TIAM2: variants seen among roughly 807,000 people sequenced by gnomAD.
The protein encoded by TIAM2 is rho guanine nucleotide exchange factor TIAM2.
Under a neutral mutation model 152.9 loss-of-function variants are expected in TIAM2, and 80 were observed. That is an observed-to-expected ratio of 0.52 (90% CI 0.44 to 0.63). TIAM2 has a LOEUF of 0.63. TIAM2 is among the 30% of genes least tolerant of loss of function. TIAM2 has a pLI of 0.00. For missense variants in TIAM2, 1,965 were observed against 2,120.1 expected, an observed-to-expected ratio of 0.93 and a Z score of 1.44; for synonymous variants, 804 against 838.0, an observed-to-expected ratio of 0.96 and a Z score of 0.70.
intron 4 of TIAM2, among the ~76,000 whole-genome samples, chr6:155,131,436 C>T (rs117819437): frequency 0.02 from 3,090 of 151,642 alleles, 56 homozygotes; most frequent in Non-Finnish European, 0.036. Flanking sequence ...TTCTTACAGT[C>T]CAAATAAAAC....
In TIAM2 at chr6:155,211,294, A is replaced by C; in HGVS notation, c.3155A>C (p.Glu1052Ala). 6.2e-7 allele frequency: 1 copy of C among 1,613,312 alleles called. No homozygotes were observed. Among genetic ancestry groups the C allele is most frequent in the Non-Finnish European group, 8.5e-7 (1 of 1,179,354 alleles). Reference sequence around the variant, plus strand: ...CAGGTTTCCCACAGGGAGAAAATGGAGCAGACATTCAGGGTAAGATACTGG... The same window carrying C: ...CAGGTTTCCCACAGGGAGAAAATGGCGCAGACATTCAGGGTAAGATACTGG... ...LDQVSHREKMEQTFRSAEQIT... is the reference protein window; with the variant it reads ...LDQVSHREKMAQTFRSAEQIT... Residue 1052 changes from glutamate (E) to alanine (A), a missense_variant, in exon 15 of 27, where the codon GAG (glutamate) becomes GCG (alanine). Transcript: ENST00000682666.
intron 9 of TIAM2, among the ~76,000 whole-genome samples, chr6:155,167,808 T>C (rs894165225): frequency 2.0e-5 from 3 of 152,230 alleles, no homozygotes; most frequent in African/African-American, 7.2e-5. Context: ...TTATGTTTTG[T>C]GAACTGAACT....
At chr6:155,153,893 A>T (rs932622984) in intron 7 of TIAM2, among the ~76,000 whole-genome samples, 51 of 152,190 alleles carry the variant, frequency 3.4e-4, no homozygotes, top group African/African-American at 1.1e-3. Context: ...AACTGGTGGG[A>T]TTACAGGCGT....
intron 10 of TIAM2, 86 bp from the exon 11 acceptor site, chr6:155,178,953 C>G: frequency 1.8e-6 from 2 of 1,081,720 alleles, no homozygotes; most frequent in Non-Finnish European, 2.7e-6. Context: ...TTAGAGATTT[C>G]TACTTTGATT....
At chr6:155,028,694 T>C (rs1325428993) in intron 1 of TIAM2, among the ~76,000 whole-genome samples, 1 of 128,940 alleles carries the variant, frequency 7.8e-6, no homozygotes, top group African/African-American at 3.1e-5. Flanking sequence ...ACATATAATA[T>C]ATATACTGTG....
rs937608265 is a variant in TIAM2, at chr6:155,214,591, G to A, written c.3168+3284G>A. Among the ~76,000 whole-genome samples the A allele has an allele frequency of 1.3e-5, 2 of 152,074 alleles. No homozygotes were observed. The highest frequency in any genetic ancestry group is 1.3e-4 in the Admixed American group (2 of 15,262). ...GCAAAGCAAATGCTCAGCTGCCTTC[G>A]CTGGCCTGGTTATGTCCCAGGATGC... is the stretch of plus-strand genomic sequence containing the variant. On this transcript the variant is annotated intron_variant, in intron 15 of 26. Coordinates refer to ENST00000682666, the MANE Select transcript of TIAM2 (RefSeq NM_012454.4). This position sits in a 1 kb window ranked among gnomAD's most constrained non-coding sequence, Gnocchi z 5.4.
At chr6:155,207,805 A>ACGAAT (rs1781629737) in intron 14 of TIAM2, among the ~76,000 whole-genome samples, 1 of 152,188 alleles carries the variant, frequency 6.6e-6, no homozygotes, top group African/African-American at 2.4e-5. Context: ...CTTACCTGAA[A>ACGAAT]CGAATCTCTT....
intron 9 of TIAM2, among the ~76,000 whole-genome samples, chr6:155,166,540 T>C (rs1424888473): frequency 6.6e-6 from 1 of 152,068 alleles, no homozygotes; most frequent in African/African-American, 2.4e-5. Flanking sequence ...CCAGGCTGGT[T>C]GTGAACTCCT....
At chr6:155,248,406 A>T (rs956123449) in intron 20 of TIAM2, among the ~76,000 whole-genome samples, 1 of 152,194 alleles carries the variant, frequency 6.6e-6, no homozygotes, top group African/African-American at 2.4e-5. Context: ...AAATGATCTC[A>T]TCCGGGTAGC....
chr6:155,175,246 A>G (rs1780731815), intron 9 of TIAM2, among the ~76,000 whole-genome samples: 1 of 152,214 alleles, frequency 6.6e-6, no homozygotes, highest in Non-Finnish European at 1.5e-5. Flanking sequence ...TTCAAAATTG[A>G]GCACCATGTT....
At chr6:155,199,207 C>T (rs541999730) in intron 14 of TIAM2, among the ~76,000 whole-genome samples, 1 of 152,158 alleles carries the variant, frequency 6.6e-6, no homozygotes, top group Admixed American at 6.5e-5. Context: ...TCCTGAGTAG[C>T]TGGGACTACA....
intron 15 of TIAM2, among the ~76,000 whole-genome samples, chr6:155,225,128 G>A (rs1266039333): frequency 1.3e-5 from 2 of 152,002 alleles, no homozygotes; most frequent in Non-Finnish European, 2.9e-5. Context: ...GCTAATTTTT[G>A]TATTTTTGGT....
At chr6:155,196,476 T>C (rs1039784630) in intron 14 of TIAM2, among the ~76,000 whole-genome samples, 1 of 152,180 alleles carries the variant, frequency 6.6e-6, no homozygotes, top group Non-Finnish European at 1.5e-5. Flanking sequence ...TGGTCTTTCC[T>C]CTAGATTGGA....
intron 15 of TIAM2, among the ~76,000 whole-genome samples, chr6:155,230,836 CTTT>C (rs11403366): frequency 2.8e-5 from 4 of 140,998 alleles, no homozygotes; most frequent in Admixed American, 7.1e-5. Context: ...GGCAGAGCTA[CTTT>C]TTTTTTTTTT....
At chr6:155,096,589 A>G (rs766918937) in intron 2 of TIAM2, among the ~76,000 whole-genome samples, 2 of 151,902 alleles carry the variant, frequency 1.3e-5, no homozygotes, top group East Asian at 3.9e-4. Context: ...TATCTCCCAC[A>G]TGTAAGTGAG....
chr6:155,251,133 A>G (rs960537115), intron 22 of TIAM2, 112 bp downstream of exon 22: 18 of 914,016 alleles, frequency 2.0e-5, no homozygotes, highest in Admixed American at 3.8e-5. Flanking sequence ...CAGAATTGCT[A>G]TAATGGTTGG....
In TIAM2 at chr6:155,176,957, A is replaced by G. The variant is rs1780774699; in HGVS notation, c.2503A>G (p.Ile835Val). The change falls in exon 10 of 27, where the codon ATT becomes GTT. Residue 835 changes from isoleucine (I) to valine (V), a missense_variant. Physicochemically the swap from Ile to Val is conservative, Grantham distance 29 (BLOSUM62 3). Transcript: ENST00000682666. ...CAAGCCAGAGCACAGAGTAGAAGATATTTTGACTTTGGCATGCAAGGTAAC... is the reference window on the plus strand; with the variant it reads ...CAAGCCAGAGCACAGAGTAGAAGATGTTTTGACTTTGGCATGCAAGGTAAC... ...GIKPEHRVED[I>V]LTLACKMRQL... is the part of the protein sequence containing the mutation. The G allele has an allele frequency of 1.2e-6, 2 of 1,606,460 alleles. No individual in the cohort carries two copies. Among genetic ancestry groups the G allele is most frequent in the Non-Finnish European group, 1.7e-6 (2 of 1,177,748 alleles).
intron 1 of TIAM2, among the ~76,000 whole-genome samples, chr6:155,048,394 A>G (rs1166453628): frequency 1.3e-5 from 2 of 152,198 alleles, no homozygotes; most frequent in African/African-American, 4.8e-5. Flanking sequence ...CGCCTGGCCA[A>G]GGGTCATTTT....
intron 15 of TIAM2, among the ~76,000 whole-genome samples, chr6:155,240,192 A>G (rs914213798): frequency 1.3e-5 from 2 of 152,234 alleles, no homozygotes; most frequent in African/African-American, 2.4e-5. Context: ...CTAGAAAGCC[A>G]TAACTTCTTG....
Sources: allele counts gnomAD v4.1 joint callset (sites outside exome capture counted in the v4.1 genomes callset), GRCh38; gene constraint gnomAD v4.1.1; non-coding constraint Gnocchi (gnomAD v3.1); transcripts MANE v1.5; gene names NCBI Gene and HGNC (gene_info 2026-07-23, HGNC 2026-07-21).